SAXO1: variants seen among roughly 807,000 people sequenced by gnomAD.
The protein encoded by SAXO1 is stabilizer of axonemal microtubules 1.
SAXO1 carries 21 observed loss-of-function variants against 17.5 expected under a neutral mutation model. That is an observed-to-expected ratio of 1.20 (90% confidence interval 0.85 to 1.72). The LOEUF is 1.72. SAXO1 is among the 40% of genes most tolerant of loss of function. The probability of loss-of-function intolerance (pLI) is 0.00; values close to 1 mark genes in which losing one functional copy is unlikely to be tolerated. For missense variants in SAXO1, 843 were observed against 596.0 expected (o/e 1.41, Z -4.32); for synonymous variants, 274 against 216.5 (o/e 1.27, Z -2.33).
chr9:18,986,398 T>A (rs1302849135), intron 1 of SAXO1, among the ~76,000 whole-genome samples: 3 of 152,198 alleles, frequency 2.0e-5, no homozygotes, highest in Non-Finnish European at 4.4e-5. Flanking sequence ...AAAATCAAAC[T>A]ATTTTAACAG....
At chr9:19,020,897 G>C (rs897179169) in intron 1 of SAXO1, among the ~76,000 whole-genome samples, 1 of 152,106 alleles carries the variant, frequency 6.6e-6, no homozygotes, top group Non-Finnish European at 1.5e-5. Context: ...AACTCTTCTG[G>C]CCTGCTTGTT....
chr9:19,031,752 C>T (rs1252089021), intron 1 of SAXO1, among the ~76,000 whole-genome samples: 2 of 152,126 alleles, frequency 1.3e-5, no homozygotes, highest in African/African-American at 2.4e-5. Context: ...ACAGGGCCCA[C>T]TCTGAGAGTA....
At chr9:19,033,876 G>T (rs551015066), upstream of SAXO1, among the ~76,000 whole-genome samples, 1 of 152,264 alleles carries the variant, frequency 6.6e-6, no homozygotes, top group South Asian at 2.1e-4. Context: ...GGTAATGCTG[G>T]TTCTGCTGGG....
At chr9:18,972,582 G>C (rs768804397) in intron 1 of SAXO1, among the ~76,000 whole-genome samples, 2 of 152,142 alleles carry the variant, frequency 1.3e-5, no homozygotes, top group South Asian at 4.1e-4. Flanking sequence ...ACCTGAGGTT[G>C]TGAGTCATGC....
At chr9:18,966,835 G>T (rs756414368) in intron 1 of SAXO1, among the ~76,000 whole-genome samples, 3 of 152,152 alleles carry the variant, frequency 2.0e-5, no homozygotes, top group African/African-American at 7.2e-5. Flanking sequence ...CTGGTTTTTG[G>T]AATTTTCAGC....
chr9:19,043,594 C>G (rs767439932), intron 1 of SAXO1, among the ~76,000 whole-genome samples: 22 of 151,940 alleles, frequency 1.4e-4, no homozygotes, highest in Non-Finnish European at 1.8e-4. Context: ...TAGTGGGATC[C>G]TGTCTCTACA....
At chr9:19,039,235 G>T (rs568758527) in intron 1 of SAXO1, among the ~76,000 whole-genome samples, 7 of 152,290 alleles carry the variant, frequency 4.6e-5, no homozygotes, top group African/African-American at 1.7e-4. Flanking sequence ...AGAATACAAG[G>T]TGGTTTTAAT....
intron 3 of SAXO1, among the ~76,000 whole-genome samples, chr9:18,933,839 G>A (rs1272926672): frequency 5.9e-5 from 9 of 152,184 alleles, no homozygotes; most frequent in South Asian, 2.1e-4. Context: ...GAGGTCAGGA[G>A]ATCAAGACCA....
chr9:18,962,986 G>A (rs148940362), intron 1 of SAXO1, among the ~76,000 whole-genome samples: 23,482 of 152,094 alleles, frequency 0.15, 3,833 homozygotes, highest in African/African-American at 0.41. Flanking sequence ...TAAAGTGTAA[G>A]GAAGGGGTCC....
intron 1 of SAXO1, among the ~76,000 whole-genome samples, chr9:18,995,566 C>T (rs1833966693): frequency 6.6e-6 from 1 of 152,126 alleles, no homozygotes; most frequent in Admixed American, 6.5e-5. Context: ...TTTTTTAAGC[C>T]TTACTCCTGT....
intron 1 of SAXO1, 131 bp downstream of exon 1, chr9:19,032,740 G>A (rs1010548588): frequency 2.8e-5 from 27 of 957,372 alleles, no homozygotes; most frequent in Middle Eastern, 2.1e-4. Context: ...CACAATTGTG[G>A]CTTAAAAAAC....
At chr9:19,044,275 C>A (rs1003750450) in intron 1 of SAXO1, among the ~76,000 whole-genome samples, 1 of 152,152 alleles carries the variant, frequency 6.6e-6, no homozygotes, top group South Asian at 2.1e-4. Flanking sequence ...TAAATATATA[C>A]ACCTACTATG....
intron 2 of SAXO1, among the ~76,000 whole-genome samples, chr9:18,944,221 T>A (rs1831700184): frequency 1.3e-5 from 2 of 152,230 alleles, no homozygotes; most frequent in African/African-American, 2.4e-5. Flanking sequence ...GGAAGCGGTA[T>A]CTACTTCTGA....
intron 1 of SAXO1, among the ~76,000 whole-genome samples, chr9:18,991,508 T>A (rs1422624732): frequency 6.6e-6 from 1 of 152,156 alleles, no homozygotes; most frequent in African/African-American, 2.4e-5. Flanking sequence ...TAGGTGGGAA[T>A]TGAACAATGA....
intron 1 of SAXO1, among the ~76,000 whole-genome samples, chr9:19,010,348 G>T (rs1834676582): frequency 2.0e-5 from 3 of 152,146 alleles, no homozygotes; most frequent in Middle Eastern, 6.8e-3. Flanking sequence ...GCATGCTTCT[G>T]AATCAGTCTT....
intron 1 of SAXO1, among the ~76,000 whole-genome samples, chr9:18,985,094 T>C (rs1833541179): frequency 2.0e-5 from 3 of 152,064 alleles, no homozygotes; most frequent in Non-Finnish European, 2.9e-5. Context: ...ATTTCAATAC[T>C]GTGTCTCAAT....
At chr9:18,964,064 G>A (rs779207707) in intron 1 of SAXO1, among the ~76,000 whole-genome samples, 6 of 152,132 alleles carry the variant, frequency 3.9e-5, no homozygotes, top group African/African-American at 7.2e-5. Context: ...TGTATGTGAT[G>A]GATTATGTTT....
chr9:18,959,951 T>C (rs1209807155), intron 1 of SAXO1, among the ~76,000 whole-genome samples: 1 of 151,774 alleles, frequency 6.6e-6, no homozygotes, highest in Non-Finnish European at 1.5e-5. Flanking sequence ...TAAGGACAGG[T>C]GATAGCAGAT....
chr9:18,950,965 T>C (rs201015949), intron 1 of SAXO1, 28 bp from the exon 2 acceptor site: 126 of 1,589,244 alleles, frequency 7.9e-5, no homozygotes, highest in Non-Finnish European at 1.0e-4. Flanking sequence ...TTAGGTTGAT[T>C]ACCTTCTTGG....
Sources: allele counts gnomAD v4.1 joint callset (sites outside exome capture counted in the v4.1 genomes callset), GRCh38; gene constraint gnomAD v4.1.1; transcripts MANE v1.5; gene names NCBI Gene and HGNC (gene_info 2026-07-23, HGNC 2026-07-21).